The following LARS1 variants were observed in gnomAD, a reference collection of about 807,000 sequenced individuals.
LARS1 encodes leucine--tRNA ligase, cytoplasmic.
LARS1 carries 100 observed loss-of-function variants against 162.8 expected under a neutral mutation model. The ratio of observed to expected loss-of-function variants is 0.61; its 90% confidence interval spans 0.52 to 0.73. LARS1 has a LOEUF of 0.73. Ranked by LOEUF, LARS1 falls within the 30% of genes least tolerant of loss-of-function variation. LARS1 has a pLI of 0.00. For missense variants in LARS1, 1,258 were observed against 1,408.9 expected, an observed-to-expected ratio of 0.89 and a Z score of 1.71; for synonymous variants, 457 against 462.8, an observed-to-expected ratio of 0.99 and a Z score of 0.16.
At position 146,143,488 on chromosome 5, in the gene LARS1, T is replaced by C. The variant is rs777047449; in HGVS notation, c.1801A>G (p.Met601Val). 1.9e-6 allele frequency: 3 copies of C among 1,614,024 alleles called. No homozygotes were observed. The highest frequency in any genetic ancestry group is 4.5e-5 in the East Asian group (2 of 44,868). Residue 601 changes from methionine to valine, a missense_variant, in exon 19 of 32, where the codon ATG (methionine) becomes GTG (valine). Transcript: ENST00000394434. ...IESLSDSTIYMAFYTVAHLLQ... is the reference protein window; with the variant it reads ...IESLSDSTIYVAFYTVAHLLQ... ...AGGTGTGCAACTGTGTAAAATGCCA[T>C]GTAAATAGTGGAGTCAGAAAGTGAT... is the stretch of plus-strand genomic sequence containing the variant.
chr5:146,152,293 G>A (rs1418134071), intron 13 of LARS1, among the ~76,000 whole-genome samples: 1 of 151,926 alleles, frequency 6.6e-6, no homozygotes, highest in East Asian at 1.9e-4. Context: ...AATTACCTAA[G>A]TAATTCATAC....
At chr5:146,159,296 G>C (rs1753669655) in intron 8 of LARS1, 111 bp downstream of exon 8, 1 of 746,158 alleles carries the variant, frequency 1.3e-6, no homozygotes, top group Admixed American at 2.4e-5. Flanking sequence ...CAGAGTATCA[G>C]GACTACATCC....
intron 3 of LARS1, 37 bp from the exon 4 acceptor site, chr5:146,172,027 A>T (rs760458741): frequency 6.6e-7 from 1 of 1,510,100 alleles, no homozygotes; most frequent in South Asian, 1.1e-5. Flanking sequence ...TGCAAATTTA[A>T]ATGCCAGACA....
At chr5:146,122,978 A>G (rs1751891235) in intron 29 of LARS1, among the ~76,000 whole-genome samples, 1 of 152,108 alleles carries the variant, frequency 6.6e-6, no homozygotes, top group Non-Finnish European at 1.5e-5. Flanking sequence ...AGCACAGTGC[A>G]TATGTCTGAA....
intron 10 of LARS1, among the ~76,000 whole-genome samples, chr5:146,156,426 G>C (rs1753529984): frequency 6.6e-6 from 1 of 152,174 alleles, no homozygotes; most frequent in Non-Finnish European, 1.5e-5. Flanking sequence ...GGGTACAGTG[G>C]CTTACGCCTG....
intron 22 of LARS1, among the ~76,000 whole-genome samples, chr5:146,134,128 G>A (rs954274444): frequency 6.6e-6 from 1 of 152,156 alleles, no homozygotes; most frequent in Non-Finnish European, 1.5e-5. Context: ...ACAAGTGTGA[G>A]CCACCACACC....
rs1239655063 is a variant in LARS1, at chr5:146,154,116, A to T, written c.1066-136T>A. 9.6e-5 allele frequency: 61 copies of T among 632,980 alleles called. No individual in the cohort carries two copies. In the East Asian group the frequency reaches 1.7e-3, roughly 18 times the overall value. The allele number at this position is 632,980 out of a possible 1,614,324, so 39.2% of individuals were successfully genotyped here. A position where few individuals can be genotyped will look rare whatever the true frequency, so the allele number is the denominator to read the frequency against. Reference sequence around the variant, plus strand: ...GAAATAAATTCAAGAGCTATATTGTACAATATGGTGACTATAGGAAATAAC... The same window carrying T: ...GAAATAAATTCAAGAGCTATATTGTTCAATATGGTGACTATAGGAAATAAC... On this transcript the variant is annotated intron_variant, in intron 10 of 31. Transcript: ENST00000394434.
intron 31 of LARS1, among the ~76,000 whole-genome samples, chr5:146,119,601 A>G (rs1446309392): frequency 6.6e-6 from 1 of 152,202 alleles, no homozygotes; most frequent in African/African-American, 2.4e-5. Context: ...AAAATAAGAG[A>G]GACACACTAT....
At position 146,172,791 on chromosome 5, in the gene LARS1, T is replaced by TA; in HGVS notation, c.126-18dup. The TA allele has an allele frequency of 1.4e-6, 2 of 1,425,916 alleles. No homozygotes were observed. The highest frequency in any genetic ancestry group is 1.9e-6 in the Non-Finnish European group (2 of 1,047,720). 88.3% of individuals were successfully genotyped at this position (1,425,916 alleles called of 1,614,324 possible). A position where few individuals can be genotyped will look rare whatever the true frequency, so the allele number is the denominator to read the frequency against. ...TTGCCCTTGCTGCAAAACAACAGTATAAAAAAGAAAGTACAGAAGAATAAA... is the reference window on the plus strand; with the variant it reads ...TTGCCCTTGCTGCAAAACAACAGTATAAAAAAAGAAAGTACAGAAGAATAAA... On this transcript the variant is annotated splice_polypyrimidine_tract_variant and intron_variant, in intron 2 of 31. Transcript: ENST00000394434.
At chr5:146,169,387 ATTT>A (rs1276471235) in intron 4 of LARS1, among the ~76,000 whole-genome samples, 1 of 152,182 alleles carries the variant, frequency 6.6e-6, no homozygotes, top group African/African-American at 2.4e-5. Flanking sequence ...AGAAGTAAAA[ATTT>A]TTTAAATGGA....
At chr5:146,118,129 A>G (rs1350684496) in intron 31 of LARS1, among the ~76,000 whole-genome samples, 1 of 152,242 alleles carries the variant, frequency 6.6e-6, no homozygotes, top group Non-Finnish European at 1.5e-5. Context: ...AGTGTCCATC[A>G]ACGGATGAAT....
chr5:146,118,266 A>C (rs1751659561), intron 31 of LARS1, among the ~76,000 whole-genome samples: 1 of 152,248 alleles, frequency 6.6e-6, no homozygotes, highest in Admixed American at 6.5e-5. Context: ...AAGGCACAGA[A>C]TAACAAATAT....
chr5:146,165,196 T>C (rs1753948531), intron 5 of LARS1, among the ~76,000 whole-genome samples: 1 of 152,024 alleles, frequency 6.6e-6, no homozygotes, highest in Admixed American at 6.6e-5. Flanking sequence ...TAGCCGGGCA[T>C]GGTGGCAAGC....
At position 146,160,375 on chromosome 5, in the gene LARS1, G is replaced by A. The variant is rs764167917; in HGVS notation, c.706C>T (p.Arg236Trp). 16 of 1,516,736 alleles carry A rather than the reference G, an allele frequency of 1.1e-5. No individual in the cohort carries two copies. The highest frequency in any genetic ancestry group is 2.8e-5 in the African/African-American group (2 of 71,986). 94.0% of individuals were successfully genotyped at this position (1,516,736 alleles called of 1,614,324 possible). Residue 236 changes from arginine (R) to tryptophan (W), a missense_variant and splice_region_variant, in exon 7 of 32, where the codon CGG (arginine) becomes TGG (tryptophan). Arg to Trp is a moderately radical substitution (Grantham distance 101, BLOSUM62 -3). Transcript: ENST00000394434. ...TATGCTCAAGTATAACAAACTTACC[G>A]CTTCCCAAATTTAATTTTGTTTCTT... ...RERNKIKFGK[R>W]YTIYSPKDGQ...
At chr5:146,151,780 A>T in intron 14 of LARS1, 82 bp downstream of exon 14, 1 of 1,290,672 alleles carries the variant, frequency 7.7e-7, no homozygotes, top group Admixed American at 2.0e-5. Context: ...AACTATGTTA[A>T]ATTTTTCTAC....
rs576752929 is a variant in LARS1, at chr5:146,177,563, A to C, written c.109T>G (p.Leu37Val). Residue 37 changes from leucine (L) to valine (V), a missense_variant, in exon 2 of 32, where the codon TTA (leucine) becomes GTA (valine). Transcript: ENST00000394434. ...ERVFEVNASN[L>V]EKQTSKGKYF... ...ATTACTCACCTGGTCTGTTTCTCTA[A>C]ATTAGATGCATTGACCTCAAACACT... 862 of 1,556,730 alleles carry C rather than the reference A, an allele frequency of 5.5e-4. 10 individuals carry two copies. In the South Asian group the frequency reaches 9.0e-3, roughly 16 times the overall value.
rs753720349 is a variant in LARS1, at chr5:146,153,893, C to T, written c.1153G>A (p.Gly385Ser). Reference sequence around the variant, plus strand: ...TTCTAGAAATAAATAAACTCTTTACCTTTATCCTCCTTAATAGTTAGCATT... The same window carrying T: ...TTCTAGAAATAAATAAACTCTTTACTTTTATCCTCCTTAATAGTTAGCATT... ...LPMLTIKEDK[G>S]TGVVTSVPSD... Residue 385 changes from glycine to serine, a missense_variant and splice_region_variant, in exon 11 of 32, where the codon GGC becomes AGC. Physicochemically the swap from Gly to Ser is moderately conservative, Grantham distance 56. Coordinates refer to ENST00000394434, the MANE Select transcript of LARS1 (RefSeq NM_020117.11). 2.5e-6 allele frequency: 4 copies of T among 1,610,154 alleles called. No individual in the cohort carries two copies. The highest frequency in any genetic ancestry group is 1.7e-5 in the Admixed American group (1 of 59,970).
At chr5:146,153,075 A>T in intron 13 of LARS1, 99 bp downstream of exon 13, 2 of 923,490 alleles carry the variant, frequency 2.2e-6, no homozygotes, top group Non-Finnish European at 3.3e-6. Flanking sequence ...TCTTTTTCAT[A>T]CTCCACCAAT....
At position 146,157,459 on chromosome 5, in the gene LARS1, G is replaced by A; in HGVS notation, c.1009C>T (p.Gln337Ter). The change falls in exon 10 of 32, where the codon CAG (glutamine) becomes TAG (stop). Residue 337 changes from glutamine (Q) to a stop codon, truncating the protein, a stop_gained. Transcript: ENST00000394434. LOFTEE classifies it high-confidence loss of function. ...TQKAARNMSY[Q>*]GFTKDNGVVP... ...ACGCCATTGTCTTTGGTAAAGCCCTGGTATGACATATTCCTGGCTGCTTTT... is the reference window on the plus strand; with the variant it reads ...ACGCCATTGTCTTTGGTAAAGCCCTAGTATGACATATTCCTGGCTGCTTTT... 6.2e-7 allele frequency: 1 copy of A among 1,614,094 alleles called. No homozygotes were observed. The highest frequency in any genetic ancestry group is 8.5e-7 in the Non-Finnish European group (1 of 1,180,010).
Sources: allele counts gnomAD v4.1 joint callset (sites outside exome capture counted in the v4.1 genomes callset), GRCh38; gene constraint gnomAD v4.1.1; transcripts MANE v1.5; gene names NCBI Gene and HGNC (gene_info 2026-07-23, HGNC 2026-07-21).